The following TTC39B variants were observed in gnomAD, a reference collection of about 807,000 sequenced individuals.
TTC39B encodes tetratricopeptide repeat domain 39B.
Under a neutral mutation model 96.6 loss-of-function variants are expected in TTC39B, and 92 were observed. That is an observed-to-expected ratio of 0.95 (90% CI 0.80 to 1.13). The LOEUF (loss-of-function observed/expected upper bound fraction) is 1.13. Ranked by LOEUF, TTC39B falls within the 50% of genes most tolerant of loss-of-function variation. The probability of loss-of-function intolerance (pLI) is 0.00; values close to 1 mark genes in which losing one functional copy is unlikely to be tolerated. For synonymous variants in TTC39B, 367 were observed against 299.4 expected (o/e 1.23, Z -2.33); for missense variants, 955 against 809.3 (o/e 1.18, Z -2.18).
chr9:15,203,221 G>C (rs2131316448), intron 7 of TTC39B, among the ~76,000 whole-genome samples: 1 of 152,256 alleles, frequency 6.6e-6, no homozygotes, highest in South Asian at 2.1e-4. Context: ...CTTAAAATTA[G>C]ATGTGACGGT....
At chr9:15,214,315 AGTGT>A (rs199807096) in intron 3 of TTC39B, 66 bp from the exon 4 acceptor site, 16,049 of 720,908 alleles carry the variant, frequency 0.022, 48 homozygotes, top group East Asian at 0.032. Context: ...GTCCGAAGGG[AGTGT>A]GTGTGTGTGT....
chr9:15,293,102 T>A (rs922712389), intron 1 of TTC39B, among the ~76,000 whole-genome samples: 4 of 152,230 alleles, frequency 2.6e-5, no homozygotes, highest in African/African-American at 9.6e-5. Context: ...TTATATTGTA[T>A]ACCACATTTT....
intron 2 of TTC39B, among the ~76,000 whole-genome samples, chr9:15,254,963 C>T (rs1260272203): frequency 6.6e-6 from 1 of 151,578 alleles, no homozygotes; most frequent in African/African-American, 2.4e-5. Flanking sequence ...AAGCTTATAG[C>T]TGTATTGCCT....
At chr9:15,277,787 G>A (rs567840831) in intron 1 of TTC39B, among the ~76,000 whole-genome samples, 3 of 152,346 alleles carry the variant, frequency 2.0e-5, no homozygotes, top group Admixed American at 2.0e-4. Context: ...ATCCAAGGAA[G>A]GCTGGTGTTC....
intron 5 of TTC39B, 144 bp from the exon 6 acceptor site, chr9:15,210,308 A>C: frequency 1.7e-6 from 1 of 597,628 alleles, no homozygotes; most frequent in South Asian, 2.2e-5. Context: ...TATAGGACAC[A>C]GATCATCCTT....
At chr9:15,285,307 G>A (rs1219159406) in intron 1 of TTC39B, among the ~76,000 whole-genome samples, 1 of 151,416 alleles carries the variant, frequency 6.6e-6, no homozygotes, top group Non-Finnish European at 1.5e-5. Context: ...CATGCCCAGT[G>A]TATTTGTTTG....
At chr9:15,234,591 G>A (rs1243626029) in intron 2 of TTC39B, among the ~76,000 whole-genome samples, 1 of 152,224 alleles carries the variant, frequency 6.6e-6, no homozygotes, top group Admixed American at 6.5e-5. Context: ...ATAGAAAGAG[G>A]GGAAAGGTGG....
In TTC39B at chr9:15,224,395, TCA is replaced by T. The variant is rs553299229; in HGVS notation, c.371+1520_371+1521del. ...GCCACCAACTTGTAGTCTTCCTCTC[TCA>T]CACATCTATGTAGCTCTTGTTTGAA... On this transcript the variant is annotated intron_variant, in intron 3 of 19. Transcript: ENST00000512701. The T allele has an allele frequency of 5.2e-3, 791 of 152,558 alleles. 8 individuals carry two copies. The highest frequency in any genetic ancestry group is 8.3e-3 in the Admixed American group (127 of 15,308). The allele number at this position is 152,558 out of a possible 1,614,324, so 9.5% of individuals were successfully genotyped here.
intron 3 of TTC39B, among the ~76,000 whole-genome samples, chr9:15,215,182 T>C (rs919828241): frequency 2.0e-5 from 3 of 152,222 alleles, no homozygotes. Flanking sequence ...GCTCAGGAGT[T>C]TGTGGCTGTA....
chr9:15,175,767 T>C (rs567942424), intron 18 of TTC39B, among the ~76,000 whole-genome samples: 2 of 152,330 alleles, frequency 1.3e-5, no homozygotes, highest in South Asian at 4.1e-4. Flanking sequence ...ATGAGCCCTG[T>C]GGTCTACCTC....
intron 3 of TTC39B, among the ~76,000 whole-genome samples, chr9:15,220,334 G>A (rs1024051478): frequency 1.3e-5 from 2 of 152,150 alleles, no homozygotes; most frequent in Non-Finnish European, 2.9e-5. Flanking sequence ...AGAAACTCCT[G>A]CTACCATTTC....
chr9:15,245,499 T>G (rs1822234584), intron 2 of TTC39B, among the ~76,000 whole-genome samples: 2 of 152,140 alleles, frequency 1.3e-5, no homozygotes, highest in Non-Finnish European at 2.9e-5. Flanking sequence ...ATGCTATTAC[T>G]TTAAAAAATA....
At chr9:15,289,685 T>A (rs565033001) in intron 1 of TTC39B, among the ~76,000 whole-genome samples, 2 of 152,346 alleles carry the variant, frequency 1.3e-5, no homozygotes, top group South Asian at 4.1e-4. Context: ...TTTTTTTTTA[T>A]TCTTTGTCCT....
At chr9:15,240,970 C>T (rs917881826) in intron 2 of TTC39B, among the ~76,000 whole-genome samples, 3 of 152,264 alleles carry the variant, frequency 2.0e-5, no homozygotes, top group Admixed American at 6.5e-5. Context: ...CATGCATCTA[C>T]CTTTGCTAAA....
At chr9:15,229,896 T>A (rs1821329447) in intron 2 of TTC39B, among the ~76,000 whole-genome samples, 1 of 152,232 alleles carries the variant, frequency 6.6e-6, no homozygotes, top group Non-Finnish European at 1.5e-5. Context: ...TCAGAGTTAG[T>A]CATTATAATA....
intron 1 of TTC39B, among the ~76,000 whole-genome samples, chr9:15,285,832 G>C (rs928296568): frequency 1.3e-5 from 2 of 152,108 alleles, no homozygotes; most frequent in African/African-American, 2.4e-5. Flanking sequence ...TCCAGCCCAG[G>C]GGACAGAACG....
At chr9:15,249,640 T>C (rs912703585) in intron 2 of TTC39B, 1 of 170,080 alleles carries the variant, frequency 5.9e-6, no homozygotes, top group Non-Finnish European at 1.2e-5. Flanking sequence ...GAAGACCAGA[T>C]CCTCCTCCGC....
At chr9:15,276,029 T>A (rs1295748998) in intron 1 of TTC39B, among the ~76,000 whole-genome samples, 1 of 152,110 alleles carries the variant, frequency 6.6e-6, no homozygotes, top group African/African-American at 2.4e-5. Context: ...CTAACCAAAG[T>A]CCCCTCTGGG....
At chr9:15,234,694 C>A (rs1317162519) in intron 2 of TTC39B, among the ~76,000 whole-genome samples, 3 of 151,832 alleles carry the variant, frequency 2.0e-5, no homozygotes, top group African/African-American at 2.4e-5. Context: ...AAGAAAAATT[C>A]TTCTGCCTTG....
Sources: allele counts gnomAD v4.1 joint callset (sites outside exome capture counted in the v4.1 genomes callset), GRCh38; gene constraint gnomAD v4.1.1; transcripts MANE v1.5; gene names NCBI Gene and HGNC (gene_info 2026-07-23, HGNC 2026-07-21).